ZNF638: variants seen among roughly 807,000 people sequenced by gnomAD.
ZNF638 encodes the protein CTCL tumor antigen se33-1.
Under a neutral mutation model 195.6 loss-of-function variants are expected in ZNF638, and 46 were observed. That is an observed-to-expected ratio of 0.24 (90% CI 0.19 to 0.30). The LOEUF (loss-of-function observed/expected upper bound fraction) is 0.30, where lower values mean the gene tolerates loss of function less well. Ranked by LOEUF, ZNF638 falls within the 10% of genes least tolerant of loss-of-function variation. The pLI is 1.00. For synonymous variants in ZNF638, 845 were observed against 772.0 expected (o/e 1.09, Z -1.57); for missense variants, 2,440 against 2,325.3 (o/e 1.05, Z -1.01).
chr2:71,398,825 A>C, intron 12 of ZNF638, 53 bp downstream of exon 12: 1 of 1,446,934 alleles, frequency 6.9e-7, no homozygotes, highest in Non-Finnish European at 9.5e-7. Flanking sequence ...TTTATGTTTT[A>C]AATTCGTATA....
At chr2:71,340,760 A>T (rs1228329682) in intron 1 of ZNF638, among the ~76,000 whole-genome samples, 1 of 152,186 alleles carries the variant, frequency 6.6e-6, no homozygotes, top group Non-Finnish European at 1.5e-5. Flanking sequence ...TTTACACTTA[A>T]TGTATCTGGT....
In ZNF638 at chr2:71,331,815, G is replaced by T; in HGVS notation, c.-263G>T. On this transcript the variant is annotated 5_prime_UTR_variant, in exon 1 of 28. In the 5' UTR this introduces an upstream ATG that the reference lacks. Transcript: ENST00000264447. Reference sequence around the variant, plus strand: ...TAGCGTTTTCGGCGTCGAGACTGGAGGCTGAGTGCTAAACTGTGTGGGGCG... The same window carrying T: ...TAGCGTTTTCGGCGTCGAGACTGGATGCTGAGTGCTAAACTGTGTGGGGCG... 1 of 986,214 alleles carries T rather than the reference G, an allele frequency of 1.0e-6. No homozygotes were observed. Among genetic ancestry groups the T allele is most frequent in the Non-Finnish European group, 1.2e-6 (1 of 830,224 alleles). 61.1% of individuals were successfully genotyped at this position (986,214 alleles called of 1,614,324 possible). A position where few individuals can be genotyped will look rare whatever the true frequency, so the allele number is the denominator to read the frequency against.
chr2:71,331,865 G>A lies in ZNF638; in HGVS notation c.-213G>A. On this transcript the variant is annotated 5_prime_UTR_variant, in exon 1 of 28. Transcript: ENST00000264447. ...GCGGATGGGATCCAGCTGTTAGTCG[G>A]GTAGGCATAGGTAGGACCGCTGCCC... is the stretch of plus-strand genomic sequence containing the variant. 1 of 986,278 alleles carries A rather than the reference G, an allele frequency of 1.0e-6. No homozygotes were observed. Among genetic ancestry groups the A allele is most frequent in the Non-Finnish European group, 1.2e-6 (1 of 830,252 alleles). 61.1% of individuals were successfully genotyped at this position (986,278 alleles called of 1,614,324 possible).
rs780793878 is a variant in ZNF638 at position 71,349,553 on chromosome 2, G to T, written c.599G>T (p.Gly200Val). Residue 200 changes from glycine to valine, a missense_variant, in exon 2 of 28, where the codon GGT becomes GTT. Gly to Val is a moderately radical substitution (Grantham distance 109). Around this residue, in one of 5 missense-constraint regions of ZNF638, gnomAD observed 305 missense variants for 283.6 expected, o/e 1.08. Transcript: ENST00000264447. ...CAGAGCAGAAATAAAGAAACACTTGGTAGTGAAGCAGTTTCAAGTAATGTG... is the reference window on the plus strand; with the variant it reads ...CAGAGCAGAAATAAAGAAACACTTGTTAGTGAAGCAGTTTCAAGTAATGTG... ...PSQSRNKETLGSEAVSSNVID... is the reference protein window; with the variant it reads ...PSQSRNKETLVSEAVSSNVID... The T allele has an allele frequency of 4.3e-6, 7 of 1,614,048 alleles. No individual in the cohort carries two copies. The highest frequency in any genetic ancestry group is 5.1e-6 in the Non-Finnish European group (6 of 1,180,030).
intron 1 of ZNF638, among the ~76,000 whole-genome samples, chr2:71,347,778 A>G (rs939542303): frequency 2.6e-5 from 4 of 152,250 alleles, no homozygotes; most frequent in Non-Finnish European, 5.9e-5. Context: ...AGTTTTAACT[A>G]ATAAAGTGCC....
At chr2:71,382,484 G>A (rs2079551168) in intron 10 of ZNF638, among the ~76,000 whole-genome samples, 1 of 152,156 alleles carries the variant, frequency 6.6e-6, no homozygotes, top group Admixed American at 6.5e-5. Flanking sequence ...GTTAATTAGA[G>A]CAGTTTTAAG....
At chr2:71,344,148 A>AG (rs1188915506) in intron 1 of ZNF638, among the ~76,000 whole-genome samples, 2 of 152,174 alleles carry the variant, frequency 1.3e-5, no homozygotes, top group Non-Finnish European at 2.9e-5. Flanking sequence ...TAAAAATAAA[A>AG]TAACAGCTTG....
chr2:71,335,441 A>T (rs1017352774), intron 1 of ZNF638, among the ~76,000 whole-genome samples: 18 of 152,200 alleles, frequency 1.2e-4, no homozygotes, highest in African/African-American at 4.3e-4. Flanking sequence ...TTTAAAAAAA[A>T]TTTCCTATCT....
At chr2:71,371,604 T>C (rs2079314655) in intron 8 of ZNF638, among the ~76,000 whole-genome samples, 2 of 152,200 alleles carry the variant, frequency 1.3e-5, no homozygotes, top group Admixed American at 1.3e-4. Flanking sequence ...ATCAGTGATG[T>C]TGAGTACCTT....
chr2:71,404,024 G>A, intron 17 of ZNF638, 26 bp downstream of exon 17: 1 of 1,582,778 alleles, frequency 6.3e-7, no homozygotes, highest in African/African-American at 1.4e-5. Flanking sequence ...ATTTTTACTA[G>A]CTCTTACTAA....
intron 27 of ZNF638, 120 bp downstream of exon 27, chr2:71,433,403 C>G: frequency 1.4e-6 from 1 of 698,096 alleles, no homozygotes. Flanking sequence ...CAGTTTATTC[C>G]TCTTAAGTCC....
rs1260733044 is a variant in ZNF638, at chr2:71,331,871, C to T, written c.-207C>T. 4.5e-5 allele frequency: 44 copies of T among 986,188 alleles called. No homozygotes were observed. Among genetic ancestry groups the T allele is most frequent in the Non-Finnish European group, 4.9e-5 (41 of 830,346 alleles). The allele number at this position is 986,188 out of a possible 1,614,324, so 61.1% of individuals were successfully genotyped here. The stretch of plus-strand genomic sequence containing the variant: ...GGGATCCAGCTGTTAGTCGGGTAGG[C>T]ATAGGTAGGACCGCTGCCCTGTGGG... On this transcript the variant is annotated 5_prime_UTR_variant, in exon 1 of 28. Coordinates refer to ENST00000264447, the MANE Select transcript of ZNF638 (RefSeq NM_014497.5).
At chr2:71,379,649 A>G (rs1573081618) in intron 8 of ZNF638, 1 of 152,200 alleles carries the variant, frequency 6.6e-6, no homozygotes, top group Admixed American at 6.5e-5. Flanking sequence ...AGAGAAAAAA[A>G]TTGTATGCTG....
At position 71,423,076 on chromosome 2, in the gene ZNF638, A is replaced by G. The variant is rs763835429; in HGVS notation, c.3562A>G (p.Ile1188Val). Residue 1188 changes from isoleucine to valine, a missense_variant, in exon 22 of 28, where the codon ATT (isoleucine) becomes GTT (valine). By Grantham distance (29) the Ile-to-Val change is conservative (BLOSUM62 3). Coordinates refer to ENST00000264447, the MANE Select transcript of ZNF638 (RefSeq NM_014497.5). ...IPLVASASVS[I>V]EQFTENAEEC... ...TCTTGTAGCATCCGCTTCAGTCAGT[A>G]TTGAACAATTCACTGAAAATGCCGA... 5.6e-6 allele frequency: 9 copies of G among 1,614,046 alleles called. No individual in the cohort carries two copies. The highest frequency in any genetic ancestry group is 7.6e-6 in the Non-Finnish European group (9 of 1,180,004).
At chr2:71,368,839 G>A (rs2079253106) in intron 7 of ZNF638, among the ~76,000 whole-genome samples, 2 of 152,196 alleles carry the variant, frequency 1.3e-5, no homozygotes, top group South Asian at 4.1e-4. Context: ...AAATGCGCAA[G>A]CATGGCTGTG....
rs559726062 is a variant in ZNF638 at position 71,349,868 on chromosome 2, T to C, written c.914T>C (p.Leu305Pro). The change falls in exon 2 of 28, where the codon CTT becomes CCT. Residue 305 changes from leucine to proline, a missense_variant. Around this residue, in one of 5 missense-constraint regions of ZNF638, gnomAD observed 305 missense variants for 283.6 expected, o/e 1.08. Transcript: ENST00000264447. ...CACATTTCAGGAGGACAGTCAGTCC[T>C]TGAACCCATAAAATCCGTCAACCAA... ...GLHISGGQSVLEPIKSVNQSI... is the reference protein window; with the variant it reads ...GLHISGGQSVPEPIKSVNQSI... 5 of 1,614,202 alleles carry C rather than the reference T, an allele frequency of 3.1e-6. No individual in the cohort carries two copies. In the South Asian group the frequency reaches 3.3e-5, roughly 11 times the overall value.
At chr2:71,399,454 C>A in intron 12 of ZNF638, 105 bp from the exon 13 acceptor site, 1 of 731,804 alleles carries the variant, frequency 1.4e-6, no homozygotes, top group Non-Finnish European at 2.3e-6. Flanking sequence ...TGGAAAAGAG[C>A]TGCTTTTGTA....
intron 1 of ZNF638, among the ~76,000 whole-genome samples, chr2:71,347,966 C>T (rs1022341929): frequency 4.6e-5 from 7 of 152,168 alleles, no homozygotes; most frequent in Non-Finnish European, 1.0e-4. Context: ...CTGTTGTGAG[C>T]ATCAAATGAC....
At chr2:71,340,304 A>T (rs2078742406) in intron 1 of ZNF638, among the ~76,000 whole-genome samples, 1 of 152,218 alleles carries the variant, frequency 6.6e-6, no homozygotes, top group Non-Finnish European at 1.5e-5. Context: ...CACTTGTGGC[A>T]CCCTCAGAAT....
Sources: allele counts gnomAD v4.1 joint callset (sites outside exome capture counted in the v4.1 genomes callset), GRCh38; gene constraint gnomAD v4.1.1; regional missense constraint gnomAD v4.1.1; transcripts MANE v1.5; gene names NCBI Gene and HGNC (gene_info 2026-07-23, HGNC 2026-07-21).